Variants in NRXN3 observed in about 807,000 individuals in gnomAD.
NRXN3 encodes the protein neurexin III.
NRXN3 carries 32 observed loss-of-function variants against 137.6 expected under a neutral mutation model. The ratio of observed to expected loss-of-function variants is 0.23; its 90% CI spans 0.18 to 0.31. The LOEUF is 0.31. Among genes scored for constraint, NRXN3 ranks in the 10% least tolerant of loss-of-function variants. The pLI, the probability that NRXN3 is intolerant of heterozygous loss-of-function variation, is 1.00. For synonymous variants in NRXN3, 798 were observed against 784.5 expected (o/e 1.02, Z -0.29); for missense variants, 1,574 against 2,062.5 (o/e 0.76, Z 4.59).
At chr14:78,580,120 T>A (rs1370834374) in intron 4 of NRXN3, among the ~76,000 whole-genome samples, 1 of 152,148 alleles carries the variant, frequency 6.6e-6, no homozygotes, top group Non-Finnish European at 1.5e-5. Context: ...GGCAGCTACA[T>A]CTTGTATGAG....
chr14:78,561,707 C>G (rs746606255), intron 4 of NRXN3, among the ~76,000 whole-genome samples: 64 of 152,310 alleles, frequency 4.2e-4, no homozygotes, highest in African/African-American at 1.5e-3. Flanking sequence ...AATTTGTCAT[C>G]GGCTCCTCTT....
intron 4 of NRXN3, among the ~76,000 whole-genome samples, chr14:78,299,379 T>A (rs75397822): frequency 2.0e-4 from 30 of 152,258 alleles, no homozygotes; most frequent in Admixed American, 4.6e-4. Flanking sequence ...GGAACCGAGC[T>A]CTATGAATTG....
At chr14:79,484,004 T>G (rs2096632684) in intron 16 of NRXN3, among the ~76,000 whole-genome samples, 1 of 152,178 alleles carries the variant, frequency 6.6e-6, no homozygotes, top group Admixed American at 6.5e-5. Flanking sequence ...TCCTTTTATC[T>G]TCATGGTAGT....
chr14:78,469,528 A>G (rs1270618859), intron 4 of NRXN3, among the ~76,000 whole-genome samples: 2 of 152,212 alleles, frequency 1.3e-5, no homozygotes, highest in Non-Finnish European at 2.9e-5. Flanking sequence ...TGGCAGGTCC[A>G]GAATTAGCAT....
At chr14:79,389,134 G>A (rs1007691762) in intron 15 of NRXN3, among the ~76,000 whole-genome samples, 26 of 152,272 alleles carry the variant, frequency 1.7e-4, no homozygotes, top group Admixed American at 7.2e-4. Context: ...AGACATTGTC[G>A]TAAGTTGTGT....
At chr14:78,201,734 A>T (rs1566958539) in intron 1 of NRXN3, among the ~76,000 whole-genome samples, 1 of 152,218 alleles carries the variant, frequency 6.6e-6, no homozygotes, top group Non-Finnish European at 1.5e-5. Flanking sequence ...TGGAGACAGA[A>T]GGTGGAGAAG....
chr14:79,076,212 T>C (rs968457736), intron 15 of NRXN3, among the ~76,000 whole-genome samples: 3 of 152,152 alleles, frequency 2.0e-5, no homozygotes, highest in Non-Finnish European at 4.4e-5. Flanking sequence ...CATGGAGTTG[T>C]TTCTAAATAA....
At chr14:78,735,076 A>G (rs1418927418) in intron 8 of NRXN3, among the ~76,000 whole-genome samples, 3 of 152,158 alleles carry the variant, frequency 2.0e-5, no homozygotes, top group Non-Finnish European at 2.9e-5. Flanking sequence ...TTGACAGTGG[A>G]CTAAATTTGG....
At chr14:78,464,748 C>T (rs945151696) in intron 4 of NRXN3, among the ~76,000 whole-genome samples, 1 of 152,104 alleles carries the variant, frequency 6.6e-6, no homozygotes, top group Non-Finnish European at 1.5e-5. Flanking sequence ...ATTCTTGGCT[C>T]TTCTGTTTAC....
At chr14:78,246,314 CA>C (rs2067667854) in intron 2 of NRXN3, among the ~76,000 whole-genome samples, 1 of 152,178 alleles carries the variant, frequency 6.6e-6, no homozygotes, top group Admixed American at 6.5e-5. Flanking sequence ...GGAATTTCTT[CA>C]GAGCAGATTG....
rs189192106 is a variant in NRXN3, at chr14:79,410,585, C to A, written c.3263-56636C>A. On this transcript the variant is annotated intron_variant, in intron 15 of 20. Coordinates refer to ENST00000335750, the MANE Select transcript of NRXN3 (RefSeq NM_001330195.2). ...AAGTTATAAGCTCTTGGTTTGAATT[C>A]TTGCTCCACTAGTTATGTGACCTTG... Among the ~76,000 whole-genome samples, 505 of 151,714 alleles carry A rather than the reference C, an allele frequency of 3.3e-3. 1 individual carries two copies. Among genetic ancestry groups the A allele is most frequent in the South Asian group, 0.011 (53 of 4,804 alleles).
intron 15 of NRXN3, among the ~76,000 whole-genome samples, chr14:79,098,210 A>G (rs1404817377): frequency 7.9e-5 from 12 of 152,172 alleles, no homozygotes; most frequent in Admixed American, 2.0e-4. Context: ...GTCTTAGCCA[A>G]TCTCAGGTTT....
chr14:78,198,300 G>C (rs367687661), intron 1 of NRXN3, among the ~76,000 whole-genome samples: 1 of 152,142 alleles, frequency 6.6e-6, no homozygotes, highest in African/African-American at 2.4e-5. Flanking sequence ...CTCCAACCCC[G>C]TAATAGCCAT....
intron 15 of NRXN3, among the ~76,000 whole-genome samples, chr14:79,074,233 C>T (rs2099692192): frequency 6.6e-6 from 1 of 152,080 alleles, no homozygotes; most frequent in South Asian, 2.1e-4. Flanking sequence ...TTGGAGCTTC[C>T]TTCTCATCTT....
At chr14:79,832,090 A>G (rs1351730159) in intron 20 of NRXN3, among the ~76,000 whole-genome samples, 2 of 152,160 alleles carry the variant, frequency 1.3e-5, no homozygotes, top group Admixed American at 1.3e-4. Flanking sequence ...TTACACACAT[A>G]CTTCTATATA....
At chr14:78,334,823 T>C (rs998930791) in intron 4 of NRXN3, among the ~76,000 whole-genome samples, 2 of 152,138 alleles carry the variant, frequency 1.3e-5, no homozygotes, top group Non-Finnish European at 2.9e-5. Context: ...TGAGCTTACC[T>C]ATTGTAGAAA....
chr14:78,423,975 G>A (rs553573835), intron 4 of NRXN3, among the ~76,000 whole-genome samples: 1 of 152,336 alleles, frequency 6.6e-6, no homozygotes, highest in Admixed American at 6.5e-5. Flanking sequence ...AGCATCTTAA[G>A]TGAATTCCAG....
At chr14:78,728,416 A>G (rs1464943862) in intron 8 of NRXN3, among the ~76,000 whole-genome samples, 1 of 152,220 alleles carries the variant, frequency 6.6e-6, no homozygotes, top group African/African-American at 2.4e-5. Flanking sequence ...ATCTTGAAGA[A>G]GGGAACTACT....
At chr14:79,264,755 C>T (rs1429910464) in intron 15 of NRXN3, among the ~76,000 whole-genome samples, 1 of 152,262 alleles carries the variant, frequency 6.6e-6, no homozygotes, top group East Asian at 1.9e-4. Context: ...CTGATAAACA[C>T]ATTGCAGAGA....
Sources: gnomAD v4.1 joint callset for allele counts (sites outside exome capture counted in the v4.1 genomes callset) on GRCh38, gnomAD v4.1.1 for gene constraint, MANE v1.5 for transcripts, NCBI Gene and HGNC (gene_info 2026-07-23, HGNC 2026-07-21) for gene names.